OSMR: variants seen among roughly 807,000 people sequenced by gnomAD.
The protein encoded by OSMR is oncostatin-M-specific receptor subunit beta.
OSMR carries 81 observed loss-of-function variants against 99.9 expected under a neutral mutation model. The ratio of observed to expected loss-of-function variants is 0.81; its 90% confidence interval spans 0.68 to 0.97. OSMR has a LOEUF of 0.97. Among genes scored for constraint, OSMR ranks in the 50% least tolerant of loss-of-function variants. The pLI is 0.00. For synonymous variants in OSMR, 406 were observed against 410.4 expected, an observed-to-expected ratio of 0.99 and a Z score of 0.13; for missense variants, 1,099 against 1,153.4, an observed-to-expected ratio of 0.95 and a Z score of 0.68.
At chr5:38,887,217 C>T in intron 7 of OSMR, among the ~76,000 whole-genome samples, 1 of 152,008 alleles carries the variant, frequency 6.6e-6, no homozygotes, top group East Asian at 1.9e-4. Flanking sequence ...TTTTATATGT[C>T]TATTGATTAA....
intron 2 of OSMR, chr5:38,944,521 C>T (rs1747954771): frequency 1.2e-6 from 2 of 1,611,624 alleles, no homozygotes; most frequent in Middle Eastern, 1.6e-4. Context: ...AACTTCTTTG[C>T]GAAGGAGTAT....
rs1442797206 is a variant in OSMR at position 38,924,603 on chromosome 5, C to T, written c.2044+8C>T. On this transcript the variant is annotated splice_region_variant and intron_variant, in intron 14 of 17. Coordinates refer to ENST00000274276, the MANE Select transcript of OSMR (RefSeq NM_003999.3). Reference sequence around the variant, plus strand: ...AAAAGGCAGTTCTTTCAGGTGACATCTATTTTTAATTTGTTTATTTATTCT... The same window carrying T: ...AAAAGGCAGTTCTTTCAGGTGACATTTATTTTTAATTTGTTTATTTATTCT... 2.5e-6 allele frequency: 4 copies of T among 1,591,700 alleles called. No homozygotes were observed. The highest frequency in any genetic ancestry group is 2.2e-5 in the South Asian group (2 of 90,628).
chr5:38,849,581 C>A (rs1054669397), intron 1 of OSMR, among the ~76,000 whole-genome samples: 34 of 151,720 alleles, frequency 2.2e-4, no homozygotes, highest in African/African-American at 8.2e-4. Context: ...TTTTATAAAT[C>A]ACATACATTT....
At chr5:38,899,140 A>C (rs1744724995) in intron 7 of OSMR, among the ~76,000 whole-genome samples, 1 of 151,930 alleles carries the variant, frequency 6.6e-6, no homozygotes, top group Non-Finnish European at 1.5e-5. Context: ...TTGTATTTCT[A>C]GTAGAGACAG....
intron 15 of OSMR, among the ~76,000 whole-genome samples, chr5:38,928,186 A>T (rs1026159293): frequency 4.0e-5 from 6 of 151,722 alleles, no homozygotes; most frequent in Non-Finnish European, 7.4e-5. Context: ...GTCTCTAAGA[A>T]GTTCCAAACT....
rs567467426 is a variant in OSMR at position 38,906,732 on chromosome 5, TAAATGTC to T, written c.1285+2232_1285+2238del. ...GAGTCAGCAACTAAAATAAAAAACT[TAAATGTC>T]AATTATTAGGCAAAAAAGATTATAT... On this transcript the variant is annotated intron_variant, in intron 9 of 17. Transcript: ENST00000274276. Among the ~76,000 whole-genome samples, 630 of 152,286 alleles carry T rather than the reference TAAATGTC, an allele frequency of 4.1e-3. 5 individuals carry two copies. Among genetic ancestry groups the T allele is most frequent in the African/African-American group, 0.014 (596 of 41,580 alleles).
chr5:38,944,853 A>C (rs909835568), intron 2 of OSMR: 32 of 1,512,490 alleles, frequency 2.1e-5, no homozygotes, highest in East Asian at 9.0e-5. Context: ...AAAACAAAAC[A>C]AAACCAACTA....
At chr5:38,911,608 A>G (rs938823512) in intron 9 of OSMR, among the ~76,000 whole-genome samples, 1 of 152,214 alleles carries the variant, frequency 6.6e-6, no homozygotes, top group Non-Finnish European at 1.5e-5. Context: ...AGACACAACA[A>G]AAAGAGAAAA....
At position 38,932,448 on chromosome 5, in the gene OSMR, C is replaced by T. The variant is rs542968322; in HGVS notation, c.2295-15C>T. On this transcript the variant is annotated splice_polypyrimidine_tract_variant and intron_variant, in intron 16 of 17. Transcript: ENST00000274276. ...GTACTGTGAAATTCAGTCTCATTTT[C>T]GCTTTTTTTTCTAGGATCAAGGAGA... is the stretch of plus-strand genomic sequence containing the variant. 22 of 1,604,136 alleles carry T rather than the reference C, an allele frequency of 1.4e-5. No homozygotes were observed. The highest frequency in any genetic ancestry group is 4.5e-5 in the East Asian group (2 of 44,792).
intron 15 of OSMR, among the ~76,000 whole-genome samples, chr5:38,931,160 C>T (rs1009555428): frequency 9.2e-5 from 14 of 152,044 alleles, no homozygotes; most frequent in African/African-American, 3.4e-4. Flanking sequence ...AATCATTTTC[C>T]CAGATTAAGA....
intron 7 of OSMR, among the ~76,000 whole-genome samples, chr5:38,894,402 GA>G (rs142167573): frequency 0.04 from 5,884 of 148,016 alleles, 141 homozygotes; most frequent in South Asian, 0.094. Context: ...GAATGAAAAA[GA>G]AAAAAAAAGA....
intron 13 of OSMR, among the ~76,000 whole-genome samples, chr5:38,923,482 C>A (rs1366812281): frequency 6.6e-6 from 1 of 152,006 alleles, no homozygotes; most frequent in African/African-American, 2.4e-5. Context: ...TCTCTTATAC[C>A]CTATGTGAAT....
In OSMR at chr5:38,904,458, A is replaced by G; in HGVS notation, c.1240A>G (p.Lys414Glu). 6.2e-7 allele frequency: 1 copy of G among 1,614,168 alleles called. No individual in the cohort carries two copies. Among genetic ancestry groups the G allele is most frequent in the Non-Finnish European group, 8.5e-7 (1 of 1,180,040 alleles). Reference sequence around the variant, plus strand: ...GTGTGCTGATGCCAGCCACTTCTGGAAATGGAGTGAATGGAGTGGTCAGAA... The same window carrying G: ...GTGTGCTGATGCCAGCCACTTCTGGGAATGGAGTGAATGGAGTGGTCAGAA... ...VRCADASHFW[K>E]WSEWSGQNFT... Residue 414 changes from lysine to glutamate, a missense_variant, in exon 9 of 18, where the codon AAA (lysine) becomes GAA (glutamate). Coordinates refer to ENST00000274276, the MANE Select transcript of OSMR (RefSeq NM_003999.3).
rs1253004999 is a variant in OSMR, at chr5:38,933,301, C to CCAA, written c.2801_2803dup (p.Thr934dup). 9 of 1,614,066 alleles carry CCAA rather than the reference C, an allele frequency of 5.6e-6. No individual in the cohort carries two copies. Among genetic ancestry groups the CCAA allele is most frequent in the Non-Finnish European group, 7.6e-6 (9 of 1,180,020 alleles). On this transcript the variant is annotated inframe_insertion, in exon 18 of 18. Transcript: ENST00000274276. ...CATGTTTGGAGACAAGGACAGTCTC[C>CCAA]CAACAAACCCAGTAGAGGCACCACA...
chr5:38,893,005 A>G, intron 7 of OSMR, among the ~76,000 whole-genome samples: 1 of 152,124 alleles, frequency 6.6e-6, no homozygotes, highest in East Asian at 1.9e-4. Context: ...TTGTCACCCT[A>G]CCTCTGCAGA....
At chr5:38,868,517 G>T (rs2112232967) in intron 1 of OSMR, among the ~76,000 whole-genome samples, 1 of 152,300 alleles carries the variant, frequency 6.6e-6, no homozygotes, top group Middle Eastern at 3.4e-3. Context: ...TAAGTCTCAT[G>T]AGATCTGATG....
At chr5:38,863,849 G>C (rs1377950234) in intron 1 of OSMR, among the ~76,000 whole-genome samples, 1 of 152,048 alleles carries the variant, frequency 6.6e-6, no homozygotes, top group African/African-American at 2.4e-5. Context: ...CTCTGGTGTT[G>C]GGTTCACATA....
At chr5:38,942,405 T>C (rs750193590) in intron 1 of OSMR, 10 of 1,455,226 alleles carry the variant, frequency 6.9e-6, no homozygotes, top group Non-Finnish European at 9.6e-6. Context: ...GTATCATCAA[T>C]TACTTTTATA....
At chr5:38,940,130 T>TAAAAAAAAA (rs1554057737), downstream of OSMR, 3 of 80,552 alleles carry the variant, frequency 3.7e-5, no homozygotes, top group Admixed American at 2.0e-4. Flanking sequence ...AAAGTAACAG[T>TAAAAAAAAA]AAAAAAAAAA....
Sources: allele counts gnomAD v4.1 joint callset (sites outside exome capture counted in the v4.1 genomes callset), GRCh38; gene constraint gnomAD v4.1.1; transcripts MANE v1.5; gene names NCBI Gene and HGNC (gene_info 2026-07-23, HGNC 2026-07-21).